PEF1: variants seen among roughly 807,000 people sequenced by gnomAD.
PEF1 encodes the protein penta-EF-hand domain containing 1.
PEF1 carries 17 observed loss-of-function variants against 32.0 expected under a neutral mutation model. The observed-to-expected ratio is 0.53, with a 90% CI of 0.36 to 0.80. The LOEUF (loss-of-function observed/expected upper bound fraction) is 0.80, where lower values mean the gene tolerates loss of function less well. Ranked by LOEUF, PEF1 falls within the 30% of genes least tolerant of loss-of-function variation. The pLI is 0.00. For missense variants in PEF1, 362 were observed against 369.1 expected, an observed-to-expected ratio of 0.98 and a Z score of 0.16; for synonymous variants, 130 against 139.8, an observed-to-expected ratio of 0.93 and a Z score of 0.50.
chr1:31,635,608 C>T, intron 1 of PEF1, 86 bp from the exon 2 acceptor site: 1 of 1,279,842 alleles, frequency 7.8e-7, no homozygotes, highest in Non-Finnish European at 1.0e-6. Context: ...AGCACTTCCA[C>T]CACCATCCTT....
rs1640228623 is a variant in PEF1 at position 31,635,421 on chromosome 1, AG to A, written c.125del (p.Pro42LeufsTer95). 3.1e-6 allele frequency: 5 copies of A among 1,612,548 alleles called. No individual in the cohort carries two copies. Among genetic ancestry groups the A allele is most frequent in the Non-Finnish European group, 4.2e-6 (5 of 1,179,314 alleles). On this transcript the variant is annotated frameshift_variant, in exon 2 of 5. Transcript: ENST00000373703. LOFTEE classifies it high-confidence loss of function. ...SGGQYGSGLP[P>X]GGGYGGPAPG... Reference sequence around the variant, plus strand: ...GGGCAGGACCCCCATAACCACCACCAGGGGGTAGCCCACTACCATACTGCCC... The same window carrying A: ...GGGCAGGACCCCCATAACCACCACCAGGGGTAGCCCACTACCATACTGCCC...
intron 1 of PEF1, among the ~76,000 whole-genome samples, chr1:31,642,131 G>A (rs1166108553): frequency 1.3e-5 from 2 of 152,254 alleles, no homozygotes; most frequent in African/African-American, 4.8e-5. Flanking sequence ...TACTTGGGAG[G>A]CTGAGGCAGG....
intron 3 of PEF1, among the ~76,000 whole-genome samples, chr1:31,632,875 G>A (rs1275682812): frequency 2.0e-5 from 3 of 152,164 alleles, no homozygotes; most frequent in Non-Finnish European, 4.4e-5. Flanking sequence ...CTGCAGGCTT[G>A]GCACCTGACC....
At chr1:31,641,480 AGGCCCTTTGGGATCT>A (rs1183492595) in intron 1 of PEF1, among the ~76,000 whole-genome samples, 1 of 152,158 alleles carries the variant, frequency 6.6e-6, no homozygotes, top group African/African-American at 2.4e-5. Context: ...AAGGCATACA[AGGCCCTTTGGGATCT>A]GGCCCTTGCT....
Position 31,635,416 on chromosome 1 carries a change from C to T in PEF1, c.131G>A (p.Gly44Asp). 2 of 1,612,766 alleles carry T rather than the reference C, an allele frequency of 1.2e-6. No homozygotes were observed. The highest frequency in any genetic ancestry group is 1.7e-6 in the Non-Finnish European group (2 of 1,179,400). The change falls in exon 2 of 5, where the codon GGT becomes GAT. Residue 44 changes from glycine (G) to aspartate (D), a missense_variant. By Grantham distance (94) the Gly-to-Asp change is moderately conservative. Transcript: ENST00000373703. ...GQYGSGLPPG[G>D]GYGGPAPGGP... ...TCCAGGGGCAGGACCCCCATAACCA[C>T]CACCAGGGGGTAGCCCACTACCATA...
intron 1 of PEF1, 126 bp from the exon 2 acceptor site, chr1:31,635,648 TATG>T: frequency 2.9e-6 from 3 of 1,020,538 alleles, no homozygotes; most frequent in Non-Finnish European, 4.0e-6. Flanking sequence ...GGGTTGGAAT[TATG>T]ATCTCACTGC....
intron 1 of PEF1, chr1:31,643,900 GA>G (rs1284148667): frequency 6.6e-6 from 1 of 152,120 alleles, no homozygotes; most frequent in African/African-American, 2.4e-5. Context: ...TGGCCTTTTA[GA>G]AGTCTACTAA....
At position 31,637,643 on chromosome 1, in the gene PEF1, CAAAAAAAAAAAAA is replaced by C. The variant is rs11291039; in HGVS notation, c.25-2134_25-2122del. ...GAGTAACAGAGGGAGACCCTGTCTCCAAAAAAAAAAAAAAAAAAAAAAAAGAGAGAGAGAAAGA... is the reference window on the plus strand; with the variant it reads ...GAGTAACAGAGGGAGACCCTGTCTCCAAAAAAAAAAAGAGAGAGAGAAAGA... On this transcript the variant is annotated intron_variant, in intron 1 of 4. Coordinates refer to ENST00000373703, the MANE Select transcript of PEF1 (RefSeq NM_012392.4). Among the ~76,000 whole-genome samples, 24 of 58,544 alleles carry C rather than the reference CAAAAAAAAAAAAA, an allele frequency of 4.1e-4. No individual in the cohort carries two copies. The East Asian group carries it at 9.3e-3, about 23-fold the overall frequency. The allele number at this position is 58,544 out of a possible 152,430, so 38.4% of individuals were successfully genotyped here.
intron 4 of PEF1, 121 bp downstream of exon 4, chr1:31,632,374 C>A: frequency 6.6e-7 from 1 of 1,521,070 alleles, no homozygotes; most frequent in Non-Finnish European, 9.1e-7. Flanking sequence ...GCACTGAGAA[C>A]AGCATTTTGT....
chr1:31,632,485 T>C lies in PEF1; in HGVS notation c.625+10A>G, dbSNP rs1341472706. 4 of 1,614,128 alleles carry C rather than the reference T, an allele frequency of 2.5e-6. No homozygotes were observed. In the African/African-American group the frequency reaches 4.0e-5, roughly 16 times the overall value. On this transcript the variant is annotated intron_variant, in intron 4 of 4. Transcript: ENST00000373703. ...TGTCCTGCCCATCGTGCCCCGGCCA[T>C]GACCCGCACCTTGCTGCAGCTCTGT...
At chr1:31,636,793 G>C (rs1009617722) in intron 1 of PEF1, among the ~76,000 whole-genome samples, 3 of 152,176 alleles carry the variant, frequency 2.0e-5, no homozygotes, top group Admixed American at 2.0e-4. Flanking sequence ...TGGGTCTCTT[G>C]GCTCTATGTC....
intron 1 of PEF1, among the ~76,000 whole-genome samples, chr1:31,643,112 C>T (rs888052862): frequency 3.3e-5 from 5 of 152,150 alleles, no homozygotes; most frequent in African/African-American, 4.8e-5. Context: ...GGAAACAAGG[C>T]GCTATGAATG....
intron 1 of PEF1, among the ~76,000 whole-genome samples, chr1:31,637,485 A>T (rs1640281492): frequency 6.6e-6 from 1 of 152,062 alleles, no homozygotes; most frequent in African/African-American, 2.4e-5. Context: ...CCTCTACAAA[A>T]AATTTTTAAA....
At position 31,635,286 on chromosome 1, in the gene PEF1, C is replaced by T; in HGVS notation, c.261G>A (p.Gly87=). The T allele has an allele frequency of 1.2e-6, 2 of 1,614,140 alleles. No individual in the cohort carries two copies. Among genetic ancestry groups the T allele is most frequent in the Non-Finnish European group, 1.7e-6 (2 of 1,180,004 alleles). The change falls in exon 2 of 5, where the codon GGG becomes GGA. Residue 87 remains glycine, a synonymous_variant. Transcript: ENST00000373703. ...TTGGAGGTGGCTGACCATAGGGGCC[C>T]CCGGGAGCTGCACCGCCATATGGTC... is the stretch of plus-strand genomic sequence containing the variant. ...PGGPYGGAAP[G]GPYGQPPPSS...
intron 1 of PEF1, among the ~76,000 whole-genome samples, chr1:31,638,983 G>A (rs541201662): frequency 6.6e-6 from 1 of 152,348 alleles, no homozygotes; most frequent in East Asian, 1.9e-4. Context: ...ATCTACTTAT[G>A]TGCTATCAAG....
rs200144237 is a variant in PEF1, at chr1:31,635,267, G to T, written c.280C>A (p.Pro94Thr). 2.5e-6 allele frequency: 4 copies of T among 1,614,172 alleles called. No individual in the cohort carries two copies. Among genetic ancestry groups the T allele is most frequent in the Middle Eastern group, 3.3e-4 (2 of 6,062 alleles). ...TGCTGGGCACCGTAGGAACTTGGAG[G>T]TGGCTGACCATAGGGGCCCCCGGGA... The part of the protein sequence containing the change: ...AAPGGPYGQP[P>T]PSSYGAQQPG... The change falls in exon 2 of 5, where the codon CCT becomes ACT. Residue 94 changes from proline to threonine, a missense_variant. Physicochemically the swap from Pro to Thr is conservative, Grantham distance 38. Transcript: ENST00000373703.
At chr1:31,637,558 T>A (rs761607994) in intron 1 of PEF1, among the ~76,000 whole-genome samples, 1 of 141,694 alleles carries the variant, frequency 7.1e-6, no homozygotes, top group Non-Finnish European at 1.5e-5. Context: ...AGCGGAAGGA[T>A]CACTTGAGCC....
intron 3 of PEF1, 56 bp downstream of exon 3, chr1:31,633,103 T>G (rs1359547625): frequency 2.6e-6 from 4 of 1,558,780 alleles, no homozygotes; most frequent in Non-Finnish European, 3.5e-6. Context: ...CCACCTACTG[T>G]CCACTATCAG....
At position 31,632,517 on chromosome 1, in the gene PEF1, A is replaced by G; in HGVS notation, c.603T>C (p.Ile201=). 6.2e-7 allele frequency: 1 copy of G among 1,614,192 alleles called. No individual in the cohort carries two copies. The highest frequency in any genetic ancestry group is 1.6e-4 in the Middle Eastern group (1 of 6,062). Residue 201 remains isoleucine (I), a synonymous_variant, in exon 4 of 5, where the codon ATT becomes ATC. Transcript: ENST00000373703. ...QQYDRDRSGS[I]SYTELQQALS... is the part of the protein sequence containing the mutation. ...CACCTTGCTGCAGCTCTGTGTAGCT[A>G]ATGGAGCCCGAGCGGTCCCGGTCAT... is the stretch of plus-strand genomic sequence containing the variant.
Sources: gnomAD v4.1 joint callset for allele counts (sites outside exome capture counted in the v4.1 genomes callset) on GRCh38, gnomAD v4.1.1 for gene constraint, MANE v1.5 for transcripts, NCBI Gene and HGNC (gene_info 2026-07-23, HGNC 2026-07-21) for gene names.